SLC9A7: variants seen among roughly 807,000 people sequenced by gnomAD.
SLC9A7 encodes the protein sodium/hydrogen exchanger 7.
Under a neutral mutation model 52.6 loss-of-function variants are expected in SLC9A7, and 19 were observed. The observed-to-expected ratio is 0.36, with a 90% CI of 0.25 to 0.53. The LOEUF (loss-of-function observed/expected upper bound fraction) is 0.53. Among genes scored for constraint, SLC9A7 ranks in the 20% least tolerant of loss-of-function variants. The pLI is 0.91. For missense variants in SLC9A7, 455 were observed against 597.9 expected (o/e 0.76, Z 2.49); for synonymous variants, 226 against 252.1 (o/e 0.90, Z 0.98).
In SLC9A7 at chrX:46,720,500, A is replaced by T. The variant is rs780519440; in HGVS notation, c.326-37965T>A. On this transcript the variant is annotated intron_variant, in intron 1 of 16. Transcript: ENST00000616978. The stretch of plus-strand genomic sequence containing the variant: ...TTCCTTCTCCATCAGCCACCAGACT[A>T]ATTTCTCTGAATCACAAATGAGGCT... Among the ~76,000 whole-genome samples the T allele has an allele frequency of 3.6e-5, 4 of 110,406 alleles. No homozygotes were observed. In the South Asian group the frequency reaches 1.6e-3, roughly 43 times the overall value.
chrX:46,647,094 C>T (rs754653916), intron 11 of SLC9A7: 21 of 326,158 alleles, frequency 6.4e-5, no homozygotes, highest in African/African-American at 5.0e-4. Flanking sequence ...GTCCTCACTA[C>T]GGGCAGCCAC....
At position 46,738,080 on chromosome X, in the gene SLC9A7, AAAGAAAGAAAGAAAGAAAGAAAGAAAGAG is replaced by A. The variant is rs1250559821; in HGVS notation, c.325+20596_325+20624del. Reference sequence around the variant, plus strand: ...GAAAGAAAGAAAGAAAGAAAGAAAGAAAGAAAGAAAGAAAGAAAGAAAGAAAGAGAAAAGAAAAGAAAAGTTTGGACATC... The same window carrying A: ...GAAAGAAAGAAAGAAAGAAAGAAAGAAAAAGAAAAGAAAAGTTTGGACATC... On this transcript the variant is annotated intron_variant, in intron 1 of 16. Transcript: ENST00000616978. Among the ~76,000 whole-genome samples the A allele has an allele frequency of 2.2e-3, 171 of 76,176 alleles. 2 individuals carry two copies. The highest frequency in any genetic ancestry group is 6.5e-3 in the Middle Eastern group (1 of 153). The allele number at this position is 76,176 out of a possible 115,157, so 66.1% of individuals were successfully genotyped here.
chrX:46,702,797 C>T (rs755585955), intron 1 of SLC9A7, among the ~76,000 whole-genome samples: 7 of 112,164 alleles, frequency 6.2e-5, no homozygotes, highest in Admixed American at 9.5e-5. Flanking sequence ...TGGATATATA[C>T]CCAGTAGTGG....
intron 1 of SLC9A7, among the ~76,000 whole-genome samples, chrX:46,689,824 T>C (rs778746874): frequency 9.1e-6 from 1 of 110,193 alleles, no homozygotes; most frequent in Admixed American, 9.7e-5. Context: ...CTTCTGTCCA[T>C]GTGTTCTCAT....
intron 4 of SLC9A7, among the ~76,000 whole-genome samples, chrX:46,670,534 CAGT>C (rs1944002172): frequency 9.0e-6 from 1 of 110,928 alleles, no homozygotes; most frequent in African/African-American, 3.3e-5. Flanking sequence ...GTGGCAGCAG[CAGT>C]GATAGCAGCA....
At chrX:46,683,175 G>A (rs1299914686) in intron 1 of SLC9A7, among the ~76,000 whole-genome samples, 6 of 108,124 alleles carry the variant, frequency 5.5e-5, no homozygotes, top group Non-Finnish European at 1.1e-4. Flanking sequence ...GGAGGAAGAT[G>A]GGATGACAAG....
At chrX:46,662,440 A>G in intron 6 of SLC9A7, 98 bp downstream of exon 6, 1 of 625,699 alleles carries the variant, frequency 1.6e-6, no homozygotes, top group South Asian at 3.0e-5. Flanking sequence ...AAAACACCCA[A>G]TTCAATATGT....
At chrX:46,613,511 G>C in intron 15 of SLC9A7, 117 bp from the exon 16 acceptor site, 1 of 446,471 alleles carries the variant, frequency 2.2e-6, no homozygotes, top group East Asian at 3.8e-5. Context: ...CATTTTACTC[G>C]TACAACACAC....
intron 16 of SLC9A7, among the ~76,000 whole-genome samples, chrX:46,610,143 TTTTGTTAC>T (rs1942824944): frequency 8.9e-6 from 1 of 112,798 alleles, no homozygotes; most frequent in South Asian, 3.6e-4. Context: ...CACAAGTTTG[TTTTGTTAC>T]GCTGAAGGTC....
intron 15 of SLC9A7, among the ~76,000 whole-genome samples, chrX:46,617,008 G>C (rs886693521): frequency 9.0e-6 from 1 of 111,118 alleles, no homozygotes; most frequent in African/African-American, 3.3e-5. Context: ...TTATTTCTTT[G>C]GTACTTTTCC....
intron 1 of SLC9A7, among the ~76,000 whole-genome samples, chrX:46,743,861 C>G (rs1484189210): frequency 1.8e-5 from 2 of 111,787 alleles, no homozygotes; most frequent in African/African-American, 6.5e-5. Flanking sequence ...ATCATAGGTA[C>G]GAACATCTGC....
At position 46,648,816 on chromosome X, in the gene SLC9A7, G is replaced by A; in HGVS notation, c.1351-19C>T. Reference sequence around the variant, plus strand: ...TGGCAACCTGACCACAAGGTAGAAGGTTAAGGGACCAACAGTTTCCAGAAT... The same window carrying A: ...TGGCAACCTGACCACAAGGTAGAAGATTAAGGGACCAACAGTTTCCAGAAT... On this transcript the variant is annotated intron_variant, in intron 10 of 16. Coordinates refer to ENST00000616978, the MANE Select transcript of SLC9A7 (RefSeq NM_001257291.2). 9.0e-7 allele frequency: 1 copy of A among 1,115,731 alleles called. No individual in the cohort carries two copies. The highest frequency in any genetic ancestry group is 1.8e-5 in the African/African-American group (1 of 55,753). 91.9% of individuals were successfully genotyped at this position (1,115,731 alleles called of 1,213,427 possible). A position where few individuals can be genotyped will look rare whatever the true frequency, so the allele number is the denominator to read the frequency against.
chrX:46,735,309 T>C (rs889819944), intron 1 of SLC9A7, among the ~76,000 whole-genome samples: 1 of 111,591 alleles, frequency 9.0e-6, no homozygotes, highest in Non-Finnish European at 1.9e-5. Flanking sequence ...TTAAACTTTT[T>C]AAATAGTTAT....
chrX:46,633,242 T>G (rs1456327078), intron 13 of SLC9A7, among the ~76,000 whole-genome samples: 1 of 102,569 alleles, frequency 9.7e-6, no homozygotes, highest in Non-Finnish European at 2.0e-5. Context: ...GGAAGGCCCT[T>G]GGGGTCTCTT....
At chrX:46,665,235 A>G (rs971423526) in intron 5 of SLC9A7, among the ~76,000 whole-genome samples, 2 of 111,400 alleles carry the variant, frequency 1.8e-5, no homozygotes, top group Non-Finnish European at 3.8e-5. Context: ...AGAAATCACA[A>G]TTAACTAACT....
chrX:46,713,745 T>C (rs1350393671), intron 1 of SLC9A7, among the ~76,000 whole-genome samples: 1 of 110,534 alleles, frequency 9.0e-6, no homozygotes, highest in Non-Finnish European at 1.9e-5. Flanking sequence ...GACTTCCCTG[T>C]GGTTCGGTAC....
intron 14 of SLC9A7, among the ~76,000 whole-genome samples, chrX:46,625,720 A>ATC (rs1943117137): frequency 9.2e-6 from 1 of 108,876 alleles, no homozygotes; most frequent in Admixed American, 9.8e-5. Context: ...TCTCAAAAAA[A>ATC]AAAAAAAAAA....
chrX:46,709,654 C>CTGTG (rs956713270), intron 1 of SLC9A7, among the ~76,000 whole-genome samples: 3 of 111,447 alleles, frequency 2.7e-5, no homozygotes, highest in Non-Finnish European at 5.6e-5. Context: ...GTGTAAAGCA[C>CTGTG]TAAAGGGGAT....
chrX:46,670,689 A>G (rs189781611), intron 4 of SLC9A7, among the ~76,000 whole-genome samples: 2 of 112,265 alleles, frequency 1.8e-5, no homozygotes, highest in East Asian at 5.6e-4. Flanking sequence ...CTAAGCTAGA[A>G]GCAAAAGAAC....
Sources: allele counts gnomAD v4.1 joint callset (sites outside exome capture counted in the v4.1 genomes callset), GRCh38; gene constraint gnomAD v4.1.1; transcripts MANE v1.5; gene names NCBI Gene and HGNC (gene_info 2026-07-23, HGNC 2026-07-21).